SAMTOR: variants seen among roughly 807,000 people sequenced by gnomAD.
The protein encoded by SAMTOR is S-adenosylmethionine sensor upstream of mTORC1.
chr7:112,877,755 C>T, the SAMTOR span, among the ~76,000 whole-genome samples: 1 of 152,146 alleles, frequency 6.6e-6, no homozygotes, highest in Non-Finnish European at 1.5e-5. Context: ...AATGCTATCA[C>T]TGCAACAGTG....
the SAMTOR span, among the ~76,000 whole-genome samples, chr7:112,848,451 G>A: frequency 6.6e-6 from 1 of 152,130 alleles, no homozygotes; most frequent in Non-Finnish European, 1.5e-5. Flanking sequence ...CAAGAAATTA[G>A]TCCAGTGAAG....
At chr7:112,861,130 T>C in the SAMTOR span, among the ~76,000 whole-genome samples, 4 of 152,054 alleles carry the variant, frequency 2.6e-5, no homozygotes, top group African/African-American at 9.7e-5. Flanking sequence ...ACAGGTGAGT[T>C]ATAATAATAT....
the SAMTOR span, among the ~76,000 whole-genome samples, chr7:112,930,645 T>C: frequency 0.011 from 1,633 of 152,304 alleles, 29 homozygotes; most frequent in African/African-American, 0.037. Context: ...CTTAAATGCA[T>C]TGAAGCAGTA....
the SAMTOR span, among the ~76,000 whole-genome samples, chr7:112,900,098 G>A: frequency 0.011 from 1,613 of 151,956 alleles, 28 homozygotes; most frequent in African/African-American, 0.037. Context: ...AAAACCCAAT[G>A]GGATAAATTT....
the SAMTOR span, among the ~76,000 whole-genome samples, chr7:112,937,900 T>C: frequency 0.011 from 1,602 of 151,732 alleles, 29 homozygotes; most frequent in African/African-American, 0.036. Flanking sequence ...ACTAAGCACA[T>C]ATAAACAGCA....
the SAMTOR span, among the ~76,000 whole-genome samples, chr7:112,921,888 G>T: frequency 1.3e-5 from 2 of 151,256 alleles, no homozygotes; most frequent in African/African-American, 2.4e-5. Flanking sequence ...ACCACAATGA[G>T]ATACCATCTC....
At chr7:112,927,505 A>G in the SAMTOR span, among the ~76,000 whole-genome samples, 6 of 152,048 alleles carry the variant, frequency 3.9e-5, no homozygotes, top group Non-Finnish European at 8.8e-5. Context: ...GAATGACTCA[A>G]AAGTGTTGTA....
At chr7:112,841,748 G>T in the SAMTOR span, among the ~76,000 whole-genome samples, 1 of 152,074 alleles carries the variant, frequency 6.6e-6, no homozygotes, top group South Asian at 2.1e-4. Flanking sequence ...CAATGGAACA[G>T]AACAGAGGCC....
chr7:112,892,596 C>T, the SAMTOR span, among the ~76,000 whole-genome samples: 3 of 151,748 alleles, frequency 2.0e-5, no homozygotes, highest in African/African-American at 4.8e-5. Flanking sequence ...TAGGGAGATT[C>T]TCTCTCTATA....
At chr7:112,846,414 A>G in the SAMTOR span, among the ~76,000 whole-genome samples, 2 of 152,104 alleles carry the variant, frequency 1.3e-5, no homozygotes, top group Non-Finnish European at 2.9e-5. Flanking sequence ...ACTATTGGAT[A>G]TTAGGCTTAG....
chr7:112,915,292 A>G, the SAMTOR span: 1 of 1,590,098 alleles, frequency 6.3e-7, no homozygotes. Context: ...ACGTTAATTC[A>G]TAAAAGTACT....
At chr7:112,917,746 T>A in the SAMTOR span, among the ~76,000 whole-genome samples, 1 of 152,028 alleles carries the variant, frequency 6.6e-6, no homozygotes, top group African/African-American at 2.4e-5. Flanking sequence ...TACAGAGAAG[T>A]GCTTAAAGGA....
chr7:112,823,567 C>A, the SAMTOR span, among the ~76,000 whole-genome samples: 40 of 152,264 alleles, frequency 2.6e-4, no homozygotes, highest in African/African-American at 9.4e-4. Context: ...TATCCATATA[C>A]ACCTGTTTAT....
At chr7:112,939,260 C>G in the SAMTOR span, 1 of 324,614 alleles carries the variant, frequency 3.1e-6, no homozygotes, top group Non-Finnish European at 5.7e-6. Flanking sequence ...AAAAGCGACC[C>G]CCACCTCCTC....
the SAMTOR span, among the ~76,000 whole-genome samples, chr7:112,876,065 A>G: frequency 6.6e-6 from 1 of 152,046 alleles, no homozygotes; most frequent in African/African-American, 2.4e-5. Flanking sequence ...AGCTCAAGTG[A>G]TCCTCCCACC....
the SAMTOR span, among the ~76,000 whole-genome samples, chr7:112,937,992 G>C: frequency 0.011 from 1,619 of 151,948 alleles, 31 homozygotes; most frequent in African/African-American, 0.037. Context: ...ATTATTAAAA[G>C]GTAAAAATAG....
chr7:112,918,282 G>C, the SAMTOR span, among the ~76,000 whole-genome samples: 1 of 152,300 alleles, frequency 6.6e-6, no homozygotes, highest in African/African-American at 2.4e-5. Context: ...AAGAGAGTGG[G>C]GGCCTATATT....
At chr7:112,825,126 A>G in the SAMTOR span, among the ~76,000 whole-genome samples, 2 of 152,166 alleles carry the variant, frequency 1.3e-5, no homozygotes, top group Admixed American at 1.3e-4. Context: ...GGCTCAAGCA[A>G]TCTTCCCACC....
At chr7:112,861,391 C>T in the SAMTOR span, among the ~76,000 whole-genome samples, 1 of 152,074 alleles carries the variant, frequency 6.6e-6, no homozygotes, top group Admixed American at 6.5e-5. Flanking sequence ...CCTGTAGTCC[C>T]AGTTACTTGA....
Sources: gnomAD v4.1 joint callset for allele counts (sites outside exome capture counted in the v4.1 genomes callset) on GRCh38, gnomAD v4.1.1 for gene constraint, MANE v1.5 for transcripts, NCBI Gene and HGNC (gene_info 2026-07-23, HGNC 2026-07-21) for gene names.